PRLR: variants seen among roughly 807,000 people sequenced by gnomAD.
The protein encoded by PRLR is hPRL receptor.
Under a neutral mutation model 40.2 loss-of-function variants are expected in PRLR, and 13 were observed. The ratio of observed to expected loss-of-function variants is 0.32; its 90% CI spans 0.21 to 0.51. The LOEUF is 0.51. Ranked by LOEUF, PRLR falls within the 20% of genes least tolerant of loss-of-function variation. The pLI, the probability that PRLR is intolerant of heterozygous loss-of-function variation, is 0.97. For synonymous variants in PRLR, 269 were observed against 278.7 expected, an observed-to-expected ratio of 0.97 and a Z score of 0.35; for missense variants, 656 against 747.3, an observed-to-expected ratio of 0.88 and a Z score of 1.42.
At chr5:35,195,309 A>G (rs1775706267) in intron 1 of PRLR, 1 of 152,326 alleles carries the variant, frequency 6.6e-6, no homozygotes, top group Non-Finnish European at 1.5e-5. Flanking sequence ...CCATGCCTGA[A>G]CAACACTGTC....
intron 1 of PRLR, among the ~76,000 whole-genome samples, chr5:35,218,305 T>G (rs954297019): frequency 6.6e-6 from 1 of 152,228 alleles, no homozygotes; most frequent in Non-Finnish European, 1.5e-5. Flanking sequence ...ATGATTTGAT[T>G]AGGTAAATTC....
chr5:35,065,066 C>T lies in PRLR; in HGVS notation c.*23G>A. On this transcript the variant is annotated 3_prime_UTR_variant, in exon 10 of 10. Coordinates refer to ENST00000618457, the MANE Select transcript of PRLR (RefSeq NM_000949.7). ...ACCTGAAGAAAAATCACATTTTAAC[C>T]AATCATTCCATTAGTCAAGCTATCA... 6.3e-7 allele frequency: 1 copy of T among 1,590,456 alleles called. No individual in the cohort carries two copies. The highest frequency in any genetic ancestry group is 8.6e-7 in the Non-Finnish European group (1 of 1,166,730).
intron 1 of PRLR, among the ~76,000 whole-genome samples, chr5:35,200,570 GC>G: frequency 6.6e-6 from 1 of 152,292 alleles, no homozygotes; most frequent in East Asian, 1.9e-4. Flanking sequence ...CAAGAACAAG[GC>G]TTTTCTTAAC....
rs970792793 is a variant in PRLR, at chr5:35,063,342, C to T, written c.*1747G>A. The T allele has an allele frequency of 6.6e-6, 1 of 152,190 alleles. No homozygotes were observed. Among genetic ancestry groups the T allele is most frequent in the Non-Finnish European group, 1.5e-5 (1 of 68,046 alleles). The allele number at this position is 152,190 out of a possible 1,614,324, so 9.4% of individuals were successfully genotyped here. On this transcript the variant is annotated 3_prime_UTR_variant, in exon 10 of 10. Coordinates refer to ENST00000618457, the MANE Select transcript of PRLR (RefSeq NM_000949.7). ...GGGATAGTTGGGGTGGAATATTTAA[C>T]TCCCAGAGGTGAGCTCAAGTTCTCT...
intron 1 of PRLR, among the ~76,000 whole-genome samples, chr5:35,141,167 G>C (rs538227736): frequency 6.6e-6 from 1 of 151,684 alleles, no homozygotes; most frequent in Non-Finnish European, 1.5e-5. Flanking sequence ...AAGGAGTCTG[G>C]GTCCCCAACA....
At chr5:35,221,326 A>C (rs2111674633) in intron 1 of PRLR, among the ~76,000 whole-genome samples, 1 of 152,352 alleles carries the variant, frequency 6.6e-6, no homozygotes, top group East Asian at 1.9e-4. Flanking sequence ...TTTATCTTTC[A>C]GTCTCATAAT....
intron 8 of PRLR, 21 bp from the exon 9 acceptor site, chr5:35,068,306 T>C (rs918258964): frequency 1.4e-5 from 22 of 1,593,620 alleles, no homozygotes; most frequent in African/African-American, 4.0e-5. Context: ...ATTCATGAGA[T>C]TGGCTAAATG....
chr5:35,105,877 G>A (rs1459388325), intron 2 of PRLR, among the ~76,000 whole-genome samples: 13 of 152,182 alleles, frequency 8.5e-5, no homozygotes, highest in Middle Eastern at 3.4e-3. Flanking sequence ...TACAGAGAAC[G>A]CCACAAAGAT....
chr5:35,080,870 G>T (rs1312575993), intron 5 of PRLR, among the ~76,000 whole-genome samples: 1 of 152,060 alleles, frequency 6.6e-6, no homozygotes, highest in Non-Finnish European at 1.5e-5. Flanking sequence ...CATAAAAATG[G>T]ATGAGTTCAT....
intron 1 of PRLR, among the ~76,000 whole-genome samples, chr5:35,176,575 G>A (rs1337670532): frequency 6.6e-6 from 1 of 152,240 alleles, no homozygotes; most frequent in Non-Finnish European, 1.5e-5. Context: ...AATGGATTAA[G>A]GGCGGTGCAA....
At chr5:35,193,409 A>G (rs921194932) in intron 1 of PRLR, among the ~76,000 whole-genome samples, 9 of 152,206 alleles carry the variant, frequency 5.9e-5, no homozygotes, top group African/African-American at 1.9e-4. Flanking sequence ...GCACTCTATC[A>G]TCTTACTGGG....
At chr5:35,219,338 C>T (rs953156684) in intron 1 of PRLR, among the ~76,000 whole-genome samples, 2 of 152,204 alleles carry the variant, frequency 1.3e-5, no homozygotes, top group Admixed American at 1.3e-4. Context: ...GCTGTATGAT[C>T]TTGGGCATAT....
chr5:35,107,889 C>T (rs538427553), intron 2 of PRLR, among the ~76,000 whole-genome samples: 11 of 152,318 alleles, frequency 7.2e-5, no homozygotes, highest in African/African-American at 2.4e-4. Context: ...CCAGCATCAT[C>T]CTGATACCAA....
chr5:35,142,087 C>A (rs11739145), intron 1 of PRLR, among the ~76,000 whole-genome samples: 1,682 of 152,274 alleles, frequency 0.011, 37 homozygotes, highest in East Asian at 0.09. Flanking sequence ...GTACAAGTGA[C>A]TTTTGGAAGC....
chr5:35,228,916 G>A (rs1474442435), intron 1 of PRLR, among the ~76,000 whole-genome samples: 3 of 152,152 alleles, frequency 2.0e-5, no homozygotes, highest in African/African-American at 7.2e-5. Flanking sequence ...CTTTCAGGGA[G>A]TATCCACAAA....
chr5:35,072,513 T>C lies in PRLR; in HGVS notation c.543+62A>G. ...ATTAGGAGGAATGACCTGTTTTCAGTTGTGAGGGCTTTATCCTTGCCAAAG... is the reference window on the plus strand; with the variant it reads ...ATTAGGAGGAATGACCTGTTTTCAGCTGTGAGGGCTTTATCCTTGCCAAAG... On this transcript the variant is annotated intron_variant, in intron 6 of 9. Transcript: ENST00000618457. 3 of 1,529,340 alleles carry C rather than the reference T, an allele frequency of 2.0e-6. No homozygotes were observed. In the South Asian group the frequency reaches 3.7e-5, roughly 19 times the overall value. 94.7% of individuals were successfully genotyped at this position (1,529,340 alleles called of 1,614,324 possible).
chr5:35,204,107 G>C (rs1775949505), intron 1 of PRLR, among the ~76,000 whole-genome samples: 1 of 151,790 alleles, frequency 6.6e-6, no homozygotes, highest in African/African-American at 2.4e-5. Context: ...GTACTTAAAG[G>C]AATGTGTATT....
intron 1 of PRLR, among the ~76,000 whole-genome samples, chr5:35,185,936 C>T (rs980082060): frequency 6.6e-6 from 1 of 152,078 alleles, no homozygotes; most frequent in Non-Finnish European, 1.5e-5. Flanking sequence ...CGTCGAATGT[C>T]GGGGTGGAAC....
chr5:35,049,248 A>G, exon 9 of PRLR: 1 of 702,818 alleles, frequency 1.4e-6, no homozygotes, highest in African/African-American at 1.7e-5. Context: ...GAGGGGAGAA[A>G]ATGTTGAGTT....
Sources: gnomAD v4.1 joint callset for allele counts (sites outside exome capture counted in the v4.1 genomes callset) on GRCh38, gnomAD v4.1.1 for gene constraint, MANE v1.5 for transcripts, NCBI Gene and HGNC (gene_info 2026-07-23, HGNC 2026-07-21) for gene names.